The following HYCC1 variants were observed in gnomAD, a reference collection of about 807,000 sequenced individuals.
HYCC1 encodes hyccin.
chr7:23,014,086 A>T, the HYCC1 span: 1 of 469,984 alleles, frequency 2.1e-6, no homozygotes, highest in Non-Finnish European at 4.4e-6. Context: ...CCTCTCACTG[A>T]CTGACAACCC....
At chr7:22,976,580 T>G in the HYCC1 span, 2 of 749,388 alleles carry the variant, frequency 2.7e-6, no homozygotes, top group African/African-American at 3.5e-5. Flanking sequence ...AATGACTCAG[T>G]ATTCAAATAA....
the HYCC1 span, among the ~76,000 whole-genome samples, chr7:22,901,456 A>T: frequency 6.6e-6 from 1 of 152,132 alleles, no homozygotes. Context: ...GGCAGAGTGG[A>T]TAAAGAACAT....
the HYCC1 span, among the ~76,000 whole-genome samples, chr7:22,969,204 T>A: frequency 6.6e-6 from 1 of 152,202 alleles, no homozygotes; most frequent in South Asian, 2.1e-4. Flanking sequence ...AGATGGAGTA[T>A]CACTCTGTTG....
the HYCC1 span, among the ~76,000 whole-genome samples, chr7:22,901,906 T>A: frequency 6.6e-6 from 1 of 152,322 alleles, no homozygotes; most frequent in Non-Finnish European, 1.5e-5. Flanking sequence ...TAGATTTGAA[T>A]AATACTATAA....
At chr7:23,005,895 C>T in the HYCC1 span, among the ~76,000 whole-genome samples, 1 of 152,084 alleles carries the variant, frequency 6.6e-6, no homozygotes, top group Non-Finnish European at 1.5e-5. Context: ...ATATTTTCAC[C>T]TTCCTCTCCA....
the HYCC1 span, among the ~76,000 whole-genome samples, chr7:22,915,428 T>C: frequency 0.37 from 56,619 of 152,100 alleles, 10,884 homozygotes; most frequent in Non-Finnish European, 0.42. Context: ...AAGGAATGCC[T>C]GCAGCCCAGG....
the HYCC1 span, among the ~76,000 whole-genome samples, chr7:22,915,231 C>A: frequency 6.6e-6 from 1 of 152,136 alleles, no homozygotes; most frequent in Non-Finnish European, 1.5e-5. Flanking sequence ...ACTTAATTAA[C>A]CTCGCCTTCA....
At chr7:22,898,847 C>T in the HYCC1 span, among the ~76,000 whole-genome samples, 5 of 151,354 alleles carry the variant, frequency 3.3e-5, no homozygotes, top group South Asian at 2.1e-4. Context: ...GTGATCTGCC[C>T]GCCTCGGCCT....
the HYCC1 span, among the ~76,000 whole-genome samples, chr7:23,002,169 TATATATAC>T: frequency 0.07 from 3,855 of 55,208 alleles, 163 homozygotes; most frequent in South Asian, 0.19. Context: ...TATATATATA[TATATATAC>T]ATATAGTTTG....
the HYCC1 span, among the ~76,000 whole-genome samples, chr7:22,912,287 A>T: frequency 6.6e-6 from 1 of 152,220 alleles, no homozygotes; most frequent in Non-Finnish European, 1.5e-5. Flanking sequence ...CACCCAGCTC[A>T]GCTTGACAGA....
chr7:22,990,469 T>C, the HYCC1 span, among the ~76,000 whole-genome samples: 1 of 152,196 alleles, frequency 6.6e-6, no homozygotes. Flanking sequence ...TGGTTCATGA[T>C]CATGCAAGTG....
the HYCC1 span, among the ~76,000 whole-genome samples, chr7:23,012,325 T>C: frequency 6.6e-6 from 1 of 152,000 alleles, no homozygotes; most frequent in Non-Finnish European, 1.5e-5. Context: ...AAAACAGAAA[T>C]ACAACAATGA....
the HYCC1 span, chr7:22,945,597 T>C: frequency 6.2e-7 from 1 of 1,604,682 alleles, no homozygotes; most frequent in South Asian, 1.1e-5. Context: ...AATTAATCTG[T>C]GGACAGAGTA....
chr7:22,929,528 C>T, the HYCC1 span, among the ~76,000 whole-genome samples: 1 of 152,060 alleles, frequency 6.6e-6, no homozygotes, highest in Non-Finnish European at 1.5e-5. Context: ...AAAAAGTGGG[C>T]CAAGGATATG....
the HYCC1 span, chr7:22,945,659 T>A: frequency 1.2e-6 from 2 of 1,613,806 alleles, no homozygotes; most frequent in Non-Finnish European, 1.7e-6. Context: ...CATTGGAAGT[T>A]CAGTTCTTTC....
chr7:22,905,952 A>C, the HYCC1 span, among the ~76,000 whole-genome samples: 8 of 152,222 alleles, frequency 5.3e-5, no homozygotes, highest in African/African-American at 1.9e-4. Flanking sequence ...GTTAGATTAC[A>C]TTAAGTACCA....
At chr7:22,915,643 A>G in the HYCC1 span, among the ~76,000 whole-genome samples, 5 of 152,172 alleles carry the variant, frequency 3.3e-5, no homozygotes, top group African/African-American at 1.2e-4. Context: ...TGCTTTGGGT[A>G]GATCTTACAG....
chr7:22,928,738 T>C, the HYCC1 span, among the ~76,000 whole-genome samples: 2 of 152,142 alleles, frequency 1.3e-5, no homozygotes, highest in African/African-American at 2.4e-5. Context: ...GAAGAATCAG[T>C]ATCATAAAAA....
At chr7:22,958,712 G>A in the HYCC1 span, among the ~76,000 whole-genome samples, 1 of 152,070 alleles carries the variant, frequency 6.6e-6, no homozygotes, top group Non-Finnish European at 1.5e-5. Flanking sequence ...TTGTTTAAAT[G>A]TACGCCTGGA....
Sources: allele counts gnomAD v4.1 joint callset (sites outside exome capture counted in the v4.1 genomes callset), GRCh38; gene constraint gnomAD v4.1.1; transcripts MANE v1.5; gene names NCBI Gene and HGNC (gene_info 2026-07-23, HGNC 2026-07-21).